The following ARHGAP20 variants were observed in gnomAD, a reference collection of about 807,000 sequenced individuals.
ARHGAP20 encodes rho GTPase-activating protein 20.
Under a neutral mutation model 73.7 loss-of-function variants are expected in ARHGAP20, and 34 were observed. That is an observed-to-expected ratio of 0.46 (90% CI 0.35 to 0.61). The LOEUF (loss-of-function observed/expected upper bound fraction) is 0.61, where lower values mean the gene tolerates loss of function less well. Among genes scored for constraint, ARHGAP20 ranks in the 20% least tolerant of loss-of-function variants. The pLI is 0.00. For missense variants in ARHGAP20, 1,314 were observed against 1,420.9 expected (o/e 0.92, Z 1.21); for synonymous variants, 523 against 518.2 (o/e 1.01, Z -0.13).
chr11:110,606,339 G>T (rs2134875346), intron 9 of ARHGAP20, among the ~76,000 whole-genome samples: 1 of 152,326 alleles, frequency 6.6e-6, no homozygotes, highest in East Asian at 1.9e-4. Context: ...AAAGAATGGT[G>T]AAGAAAGAAG....
intron 9 of ARHGAP20, among the ~76,000 whole-genome samples, chr11:110,597,277 TATAATA>T (rs1282790665): frequency 1.9e-4 from 27 of 143,204 alleles, no homozygotes; most frequent in Middle Eastern, 3.2e-3. Context: ...TACCCTAAAG[TATAATA>T]ATAATAAAAT....
intron 2 of ARHGAP20, among the ~76,000 whole-genome samples, chr11:110,648,245 A>G (rs1591136236): frequency 1.1e-5 from 1 of 92,042 alleles, no homozygotes. Context: ...ATGTAAATAT[A>G]TATATGTAAA....
intron 1 of ARHGAP20, chr11:110,711,803 A>G (rs1252268111): frequency 7.4e-7 from 1 of 1,343,572 alleles, no homozygotes; most frequent in African/African-American, 1.5e-5. Flanking sequence ...GCGATCGCCC[A>G]CTACAGCCCG....
chr11:110,679,463 G>C (rs1949995647), intron 2 of ARHGAP20, among the ~76,000 whole-genome samples: 1 of 152,124 alleles, frequency 6.6e-6, no homozygotes, highest in East Asian at 1.9e-4. Flanking sequence ...GCAAATGTTT[G>C]ACCTTTGCAC....
chr11:110,611,392 G>GAA lies in ARHGAP20; in HGVS notation c.631-8_631-7dup. The GAA allele has an allele frequency of 7.1e-7, 1 of 1,402,462 alleles. No individual in the cohort carries two copies. The highest frequency in any genetic ancestry group is 2.3e-5 in the Admixed American group (1 of 43,202). 86.9% of individuals were successfully genotyped at this position (1,402,462 alleles called of 1,614,324 possible). A position where few individuals can be genotyped will look rare whatever the true frequency, so the allele number is the denominator to read the frequency against. ...ATTACTGTTATAGTTTTAGACTGTA[G>GAA]AAAAAAAATAAGAAATATAGCTATA... On this transcript the variant is annotated splice_polypyrimidine_tract_variant and splice_region_variant and intron_variant, in intron 6 of 14. Transcript: ENST00000683387.
intron 3 of ARHGAP20, among the ~76,000 whole-genome samples, chr11:110,628,678 A>T (rs1437403931): frequency 6.6e-6 from 1 of 152,196 alleles, no homozygotes; most frequent in Non-Finnish European, 1.5e-5. Context: ...AACCTCTTAA[A>T]TAACAGCATT....
At chr11:110,665,521 C>G (rs900666085) in intron 2 of ARHGAP20, among the ~76,000 whole-genome samples, 2 of 152,094 alleles carry the variant, frequency 1.3e-5, no homozygotes, top group African/African-American at 4.8e-5. Context: ...CTAAGATTGT[C>G]CCAGATAGCA....
chr11:110,637,743 G>A (rs1948997612), intron 2 of ARHGAP20, among the ~76,000 whole-genome samples: 1 of 152,028 alleles, frequency 6.6e-6, no homozygotes, highest in Non-Finnish European at 1.5e-5. Context: ...GAAATACAGA[G>A]TGCAGGAGCA....
chr11:110,601,425 T>G (rs1948106691), intron 9 of ARHGAP20, among the ~76,000 whole-genome samples: 1 of 152,232 alleles, frequency 6.6e-6, no homozygotes, highest in Non-Finnish European at 1.5e-5. Flanking sequence ...GGCAAAGGAA[T>G]GAAGACAAGT....
chr11:110,617,264 T>C (rs1376453901), intron 4 of ARHGAP20, among the ~76,000 whole-genome samples: 2 of 151,664 alleles, frequency 1.3e-5, no homozygotes, highest in African/African-American at 2.4e-5. Flanking sequence ...TCTTTTTCTT[T>C]CTTTTTTTTT....
intron 2 of ARHGAP20, among the ~76,000 whole-genome samples, chr11:110,632,372 A>T (rs2134961827): frequency 6.6e-6 from 1 of 152,168 alleles, no homozygotes; most frequent in African/African-American, 2.4e-5. Flanking sequence ...AATTTTGGCC[A>T]GTTTAGTGGA....
At chr11:110,581,280 T>A (rs970339360) in intron 14 of ARHGAP20, 55 bp from the exon 15 acceptor site, 1 of 1,487,126 alleles carries the variant, frequency 6.7e-7, no homozygotes, top group African/African-American at 1.6e-5. Context: ...AATATACTCA[T>A]GCTTCCTTAA....
chr11:110,657,905 A>G (rs1591147274), intron 2 of ARHGAP20, among the ~76,000 whole-genome samples: 2 of 144,766 alleles, frequency 1.4e-5, no homozygotes, highest in Admixed American at 1.4e-4. Flanking sequence ...AAAAAAAAAG[A>G]AAGAAAAAGA....
At chr11:110,674,327 G>A (rs1221559319) in intron 2 of ARHGAP20, among the ~76,000 whole-genome samples, 2 of 152,070 alleles carry the variant, frequency 1.3e-5, no homozygotes, top group Non-Finnish European at 2.9e-5. Context: ...TTAGAACCTG[G>A]CACCTGGTAA....
rs1768248537 is a variant in ARHGAP20, at chr11:110,712,424, C to T, written c.-193G>A. ...CTCCGCCTGCGCTCGACACCGCGGGCTGGAGGCGAGTGCAGCGGCGACAGC... is the reference window on the plus strand; with the variant it reads ...CTCCGCCTGCGCTCGACACCGCGGGTTGGAGGCGAGTGCAGCGGCGACAGC... On this transcript the variant is annotated 5_prime_UTR_variant, in exon 1 of 15. Transcript: ENST00000683387. The T allele has an allele frequency of 7.0e-6, 2 of 284,950 alleles. No individual in the cohort carries two copies. Among genetic ancestry groups the T allele is most frequent in the South Asian group, 1.5e-4 (1 of 6,488 alleles). 17.7% of individuals were successfully genotyped at this position (284,950 alleles called of 1,614,324 possible).
intron 4 of ARHGAP20, among the ~76,000 whole-genome samples, chr11:110,618,311 C>A (rs921070900): frequency 6.6e-6 from 1 of 152,308 alleles, no homozygotes; most frequent in Middle Eastern, 3.4e-3. Context: ...ACCAGCTTGG[C>A]AAAATGGGGG....
intron 11 of ARHGAP20, among the ~76,000 whole-genome samples, chr11:110,590,263 T>C (rs914142720): frequency 6.6e-6 from 1 of 152,216 alleles, no homozygotes; most frequent in Non-Finnish European, 1.5e-5. Flanking sequence ...GTCTAATGTT[T>C]ATATTTGAAA....
In ARHGAP20 at chr11:110,580,578, C is replaced by T. The variant is rs755925518; in HGVS notation, c.2368G>A (p.Val790Met). The T allele has an allele frequency of 2.8e-5, 46 of 1,614,210 alleles. No individual in the cohort carries two copies. In the Middle Eastern group the frequency reaches 1.3e-3, roughly 46 times the overall value. ...GGCTTAGACTTAGGGAAAAGTTTCA[C>T]GTGATTTCCTTCACTACCAGACAAG... ...KSLSGSEGNH[V>M]KLFPKSKPVA... The change falls in exon 15 of 15, where the codon GTG becomes ATG. Residue 790 changes from valine (V) to methionine (M), a missense_variant. Physicochemically the swap from Val to Met is conservative, Grantham distance 21. Around this residue, in one of 3 missense-constraint regions of ARHGAP20, gnomAD observed 641 missense variants for 636.9 expected, o/e 1.01. Transcript: ENST00000683387.
At chr11:110,601,383 T>C (rs928973284) in intron 9 of ARHGAP20, among the ~76,000 whole-genome samples, 1 of 152,234 alleles carries the variant, frequency 6.6e-6, no homozygotes, top group Non-Finnish European at 1.5e-5. Flanking sequence ...AAGATACTCT[T>C]GCTTAAATTA....
Sources: gnomAD v4.1 joint callset for allele counts (sites outside exome capture counted in the v4.1 genomes callset) on GRCh38, gnomAD v4.1.1 for gene constraint, gnomAD v4.1.1 regional missense constraint, MANE v1.5 for transcripts, NCBI Gene and HGNC (gene_info 2026-07-23, HGNC 2026-07-21) for gene names.